Variants in BSPRY observed in about 807,000 individuals in gnomAD.
BSPRY encodes the protein B-box and SPRY domain containing.
Under a neutral mutation model 38.0 loss-of-function variants are expected in BSPRY, and 33 were observed. That is an observed-to-expected ratio of 0.87 (90% CI 0.66 to 1.16). BSPRY has a LOEUF of 1.16. BSPRY is among the 50% of genes most tolerant of loss of function. The probability of loss-of-function intolerance (pLI) is 0.00; values close to 1 mark genes in which losing one functional copy is unlikely to be tolerated. For synonymous variants in BSPRY, 224 were observed against 228.5 expected, an observed-to-expected ratio of 0.98 and a Z score of 0.18; for missense variants, 523 against 533.2, an observed-to-expected ratio of 0.98 and a Z score of 0.19.
chr9:113,363,960 A>G (rs1834200372), intron 4 of BSPRY, among the ~76,000 whole-genome samples: 1 of 149,592 alleles, frequency 6.7e-6, no homozygotes, highest in Admixed American at 6.7e-5. Context: ...AGGCCTAGGC[A>G]GGCAGATCGC....
In BSPRY at chr9:113,349,717, GT is replaced by G; in HGVS notation, c.140del (p.Leu47TrpfsTer54). The G allele has an allele frequency of 8.1e-7, 1 of 1,240,086 alleles. No individual in the cohort carries two copies. Among genetic ancestry groups the G allele is most frequent in the Non-Finnish European group, 1.0e-6 (1 of 994,188 alleles). 76.8% of individuals were successfully genotyped at this position (1,240,086 alleles called of 1,614,324 possible). On this transcript the variant is annotated frameshift_variant, in exon 1 of 6. Coordinates refer to ENST00000374183, the MANE Select transcript of BSPRY (RefSeq NM_017688.3). LOFTEE classifies it high-confidence loss of function. ...RRPVCAACAG[L>X]GGRCRGHRIR... ...GGCCCGTGTGCGCCGCCTGCGCGGG[GT>G]TGGGCGGTCGCTGCCGGGGGCACCG...
At chr9:113,354,906 C>G (rs1305050733) in intron 2 of BSPRY, among the ~76,000 whole-genome samples, 1 of 152,066 alleles carries the variant, frequency 6.6e-6, no homozygotes, top group Non-Finnish European at 1.5e-5. Flanking sequence ...CTCTGTTGCC[C>G]AGGCTGGAGT....
intron 3 of BSPRY, among the ~76,000 whole-genome samples, chr9:113,361,391 A>G (rs6478009): frequency 0.39 from 59,260 of 152,152 alleles, 13,345 homozygotes; most frequent in African/African-American, 0.62. Context: ...GAGTCATTGT[A>G]TACTGAGTGC....
At chr9:113,354,857 C>CT (rs58929640) in intron 2 of BSPRY, among the ~76,000 whole-genome samples, 4 of 151,770 alleles carry the variant, frequency 2.6e-5, no homozygotes, top group Admixed American at 6.6e-5. Context: ...ACTGCTGATT[C>CT]TTTTTTTTAA....
intron 2 of BSPRY, among the ~76,000 whole-genome samples, chr9:113,354,771 C>T (rs1314305911): frequency 2.0e-5 from 3 of 152,138 alleles, no homozygotes; most frequent in African/African-American, 7.2e-5. Flanking sequence ...GTCCAAGGAC[C>T]CCATAGCCTC....
chr9:113,363,863 T>TGG (rs1834197293), intron 4 of BSPRY, among the ~76,000 whole-genome samples: 1 of 84,536 alleles, frequency 1.2e-5, no homozygotes, highest in African/African-American at 5.0e-5. Context: ...GGTGACAGAG[T>TGG]GAGACTCCAC....
At chr9:113,353,567 G>T (rs1834005152) in intron 1 of BSPRY, among the ~76,000 whole-genome samples, 1 of 152,054 alleles carries the variant, frequency 6.6e-6, no homozygotes, top group Non-Finnish European at 1.5e-5. Flanking sequence ...GCTGGGTGTG[G>T]TGACACACAC....
chr9:113,352,553 G>A (rs548923632), intron 1 of BSPRY, among the ~76,000 whole-genome samples: 2 of 152,032 alleles, frequency 1.3e-5, no homozygotes, highest in East Asian at 1.9e-4. Context: ...GTCAGGACAA[G>A]TTTGGTACAT....
At chr9:113,358,967 G>A (rs1834107993) in intron 2 of BSPRY, among the ~76,000 whole-genome samples, 1 of 152,156 alleles carries the variant, frequency 6.6e-6, no homozygotes, top group South Asian at 2.1e-4. Flanking sequence ...GTTCAAAGCT[G>A]CAGTGAGCTA....
At chr9:113,360,951 A>G (rs1477856190) in intron 3 of BSPRY, among the ~76,000 whole-genome samples, 2 of 152,090 alleles carry the variant, frequency 1.3e-5, no homozygotes, top group African/African-American at 2.4e-5. Context: ...AGTTTTTGCA[A>G]AATAACCCTG....
chr9:113,368,513 A>G, intron 5 of BSPRY, 130 bp downstream of exon 5: 1 of 1,288,026 alleles, frequency 7.8e-7, no homozygotes, highest in Non-Finnish European at 1.1e-6. Context: ...TGCTGGATGC[A>G]GGCTGGTCAG....
chr9:113,349,926 G>T (rs1013927864), intron 1 of BSPRY, 146 bp downstream of exon 1: 49 of 1,110,986 alleles, frequency 4.4e-5, no homozygotes, highest in South Asian at 1.9e-4. Context: ...TTGGCTGTAG[G>T]ACTAGGCGGT....
intron 1 of BSPRY, among the ~76,000 whole-genome samples, chr9:113,353,364 G>A (rs1343945822): frequency 6.6e-6 from 1 of 151,926 alleles, no homozygotes; most frequent in South Asian, 2.1e-4. Context: ...CAGCCTGGAC[G>A]ACAAGCAAGA....
Position 113,360,556 on chromosome 9 carries a change from T to C in BSPRY, c.350T>C (p.Val117Ala). 6 of 1,607,144 alleles carry C rather than the reference T, an allele frequency of 3.7e-6. No homozygotes were observed. The highest frequency in any genetic ancestry group is 5.1e-6 in the Non-Finnish European group (6 of 1,178,200). ...CTGGTTATCCAGCGGTTGAGTCTGG[T>C]GAGGAGTCTTTGCGAGAGCGAGGAG... ...RELVIQRLSL[V>A]RSLCESEEQR... Residue 117 changes from valine to alanine, a missense_variant, in exon 3 of 6, where the codon GTG becomes GCG. Val to Ala is a moderately conservative substitution (Grantham distance 64). Coordinates refer to ENST00000374183, the MANE Select transcript of BSPRY (RefSeq NM_017688.3).
rs745484136 is a variant in BSPRY, at chr9:113,360,569, C to T, written c.363C>T (p.Cys121=). Residue 121 remains cysteine (C), a synonymous_variant, in exon 3 of 6, where the codon TGC becomes TGT. Transcript: ENST00000374183. ...GGTTGAGTCTGGTGAGGAGTCTTTG[C>T]GAGAGCGAGGAGCAGCGGTTACTGG... is the stretch of plus-strand genomic sequence containing the variant. ...IQRLSLVRSL[C]ESEEQRLLEQ... The T allele has an allele frequency of 3.7e-6, 6 of 1,608,064 alleles. No individual in the cohort carries two copies. The highest frequency in any genetic ancestry group is 3.4e-6 in the Non-Finnish European group (4 of 1,178,512).
intron 2 of BSPRY, among the ~76,000 whole-genome samples, chr9:113,359,261 G>A (rs149543646): frequency 3.9e-5 from 6 of 152,180 alleles, no homozygotes; most frequent in East Asian, 3.9e-4. Context: ...GCTAATGAGC[G>A]GAGCAGTTAA....
rs1834346226 is a variant in BSPRY at position 113,371,105 on chromosome 9, A to C, written c.*963A>C. 6.6e-6 allele frequency: 1 copy of C among 152,234 alleles called. No individual in the cohort carries two copies. The highest frequency in any genetic ancestry group is 2.1e-4 in the South Asian group (1 of 4,824). The allele number at this position is 152,234 out of a possible 1,614,324, so 9.4% of individuals were successfully genotyped here. ...AGCAGCTGATAAGTTTCCCTACCTG[A>C]TGGCCCCCTCTGACATAAACTGCAC... On this transcript the variant is annotated 3_prime_UTR_variant, in exon 6 of 6. Coordinates refer to ENST00000374183, the MANE Select transcript of BSPRY (RefSeq NM_017688.3).
chr9:113,363,998 G>C (rs369167827), intron 4 of BSPRY, among the ~76,000 whole-genome samples: 8 of 151,290 alleles, frequency 5.3e-5, no homozygotes, highest in African/African-American at 1.9e-4. Context: ...CAACCAGCCT[G>C]GCCAATATGG....
chr9:113,359,872 T>TAA (rs759158777), intron 2 of BSPRY, among the ~76,000 whole-genome samples: 24,800 of 144,934 alleles, frequency 0.17, 2,270 homozygotes, highest in Admixed American at 0.25. Context: ...CCATCTCTAT[T>TAA]AAAAAAAATT....
Sources: gnomAD v4.1 joint callset for allele counts (sites outside exome capture counted in the v4.1 genomes callset) on GRCh38, gnomAD v4.1.1 for gene constraint, MANE v1.5 for transcripts, NCBI Gene and HGNC (gene_info 2026-07-23, HGNC 2026-07-21) for gene names.